The following PTPN7 variants were observed in gnomAD, a reference collection of about 807,000 sequenced individuals.
The protein encoded by PTPN7 is protein tyrosine phosphatase non-receptor type 7.
Under a neutral mutation model 50.3 loss-of-function variants are expected in PTPN7, and 33 were observed. The ratio of observed to expected loss-of-function variants is 0.66; its 90% confidence interval spans 0.50 to 0.88. The LOEUF is 0.88. Ranked by LOEUF, PTPN7 falls within the 40% of genes least tolerant of loss-of-function variation. PTPN7 has a pLI of 0.00. For missense variants in PTPN7, 412 were observed against 475.4 expected (o/e 0.87, Z 1.24); for synonymous variants, 185 against 186.6 (o/e 0.99, Z 0.07).
chr1:202,159,462 A>G lies in PTPN7; in HGVS notation c.-52-8T>C. Reference sequence around the variant, plus strand: ...CTCAGCCATGAGGTCTGCCTGAAAGACAGGGCCCTCCGCTGCTGTTCTCTG... The same window carrying G: ...CTCAGCCATGAGGTCTGCCTGAAAGGCAGGGCCCTCCGCTGCTGTTCTCTG... On this transcript the variant is annotated splice_polypyrimidine_tract_variant and splice_region_variant and intron_variant, in intron 1 of 9. Transcript: ENST00000691036. This position sits in a 1 kb window ranked among gnomAD's most constrained non-coding sequence, Gnocchi z 4.6. 1 of 1,609,238 alleles carries G rather than the reference A, an allele frequency of 6.2e-7. No homozygotes were observed. Among genetic ancestry groups the G allele is most frequent in the East Asian group, 2.2e-5 (1 of 44,680 alleles).
Position 202,159,551 on chromosome 1 carries a change from G to A in PTPN7, c.-52-97C>T, listed in dbSNP as rs1050597751. On this transcript the variant is annotated intron_variant, in intron 1 of 9. Coordinates refer to ENST00000691036, the MANE Select transcript of PTPN7 (RefSeq NM_002832.4). The surrounding 1 kb of genome is among the most constrained non-coding windows in gnomAD (Gnocchi z 4.6). ...CCAGGTTTGCACTCTGTTTTCACTG[G>A]GGCGTCTTCTGTTCCCCAAGAGGTG... The A allele has an allele frequency of 6.6e-7, 1 of 1,513,586 alleles. No individual in the cohort carries two copies. Among genetic ancestry groups the A allele is most frequent in the Non-Finnish European group, 8.8e-7 (1 of 1,133,372 alleles). 93.8% of individuals were successfully genotyped at this position (1,513,586 alleles called of 1,614,324 possible).
upstream of PTPN7, chr1:202,161,172 A>C: frequency 1.8e-6 from 2 of 1,130,790 alleles, no homozygotes; most frequent in Non-Finnish European, 2.2e-6. Flanking sequence ...ATGCCTCACA[A>C]TGTGAAGGAA....
chr1:202,159,384 C>A lies in PTPN7; in HGVS notation c.19G>T (p.Gly7Trp), dbSNP rs775311206. ...GTCAACGGCTGTGCTCTGGAGCGCC[C>A]CCCATGGGCTTGGACCATGCTGAGG... is the stretch of plus-strand genomic sequence containing the variant. MVQAHG[G>W]RSRAQPLTLS... The change falls in exon 2 of 10, where the codon GGG (glycine) becomes TGG (tryptophan). Residue 7 changes from glycine (G) to tryptophan (W), a missense_variant. Physicochemically the swap from Gly to Trp is radical, Grantham distance 184. Coordinates refer to ENST00000691036, the MANE Select transcript of PTPN7 (RefSeq NM_002832.4). The surrounding 1 kb of genome is among the most constrained non-coding windows in gnomAD (Gnocchi z 4.6). 37 of 1,614,110 alleles carry A rather than the reference C, an allele frequency of 2.3e-5. 1 individual carries two copies. The highest frequency in any genetic ancestry group is 1.0e-4 in the Admixed American group (6 of 60,010).
At chr1:202,149,980 C>T (rs990012561) in intron 9 of PTPN7, 12 of 195,392 alleles carry the variant, frequency 6.1e-5, no homozygotes, top group African/African-American at 2.3e-4. Flanking sequence ...TCACAGGGGC[C>T]CGCACCAGGC....
At position 202,160,580 on chromosome 1, in the gene PTPN7, GCTGT is replaced by G. The variant is rs765280685; in HGVS notation, c.-92_-89del. The G allele has an allele frequency of 7.7e-6, 12 of 1,549,794 alleles. No homozygotes were observed. Among genetic ancestry groups the G allele is most frequent in the East Asian group, 7.3e-5 (3 of 40,916 alleles). On this transcript the variant is annotated 5_prime_UTR_variant, in exon 1 of 10. Transcript: ENST00000691036. The surrounding 1 kb of genome is among the most constrained non-coding windows in gnomAD (Gnocchi z 4.8). ...GTGGCCCCCAGGCTGCCTCTTGCCAGCTGTCTGTCTGTCTGTCGGTCTGTCTTTG... is the reference window on the plus strand; with the variant it reads ...GTGGCCCCCAGGCTGCCTCTTGCCAGCTGTCTGTCTGTCGGTCTGTCTTTG...
At chr1:202,158,417 A>G in intron 2 of PTPN7, 116 bp from the exon 3 acceptor site, 1 of 1,114,176 alleles carries the variant, frequency 9.0e-7, no homozygotes, top group Non-Finnish European at 1.3e-6. Flanking sequence ...CTGGAGTGTG[A>G]TGGCACTATT....
In PTPN7 at chr1:202,153,832, A is replaced by G; in HGVS notation, c.610T>C (p.Cys204Arg). ...LTQLREGKEK[C>R]VHYWPTEEET... is the part of the protein sequence containing the mutation. ...TCTTCTGTGGGCCAGTAGTGGACAC[A>G]TTTCTAGGAGGGAGGGAGCTGGGAG... is the stretch of plus-strand genomic sequence containing the variant. Residue 204 changes from cysteine to arginine, a missense_variant, in exon 7 of 10, where the codon TGT becomes CGT. Coordinates refer to ENST00000691036, the MANE Select transcript of PTPN7 (RefSeq NM_002832.4). The G allele has an allele frequency of 6.2e-7, 1 of 1,612,644 alleles. No individual in the cohort carries two copies. The highest frequency in any genetic ancestry group is 8.5e-7 in the Non-Finnish European group (1 of 1,178,724).
In PTPN7 at chr1:202,160,045, T is replaced by C. The variant is rs1657179340; in HGVS notation, c.-53+500A>G. On this transcript the variant is annotated intron_variant, in intron 1 of 9. Coordinates refer to ENST00000691036, the MANE Select transcript of PTPN7 (RefSeq NM_002832.4). The surrounding 1 kb of genome is among the most constrained non-coding windows in gnomAD (Gnocchi z 4.8). ...GCTGGAGGTGTTTCCTTCCTCCTCC[T>C]GCCCATCCCCCCGTCTCCCGCCTCT... 3 of 920,272 alleles carry C rather than the reference T, an allele frequency of 3.3e-6. No homozygotes were observed. The highest frequency in any genetic ancestry group is 3.9e-6 in the Non-Finnish European group (3 of 766,944). 57.0% of individuals were successfully genotyped at this position (920,272 alleles called of 1,614,324 possible). A position where few individuals can be genotyped will look rare whatever the true frequency, so the allele number is the denominator to read the frequency against.
At chr1:202,150,120 A>T (rs1407433657) in intron 9 of PTPN7, 191 bp downstream of exon 9, 2 of 538,292 alleles carry the variant, frequency 3.7e-6, no homozygotes, top group Non-Finnish European at 6.7e-6. Context: ...GGTGTGAGCC[A>T]CCGCACCCGG....
chr1:202,155,931 T>C (rs1209178154), intron 4 of PTPN7, among the ~76,000 whole-genome samples: 3 of 152,168 alleles, frequency 2.0e-5, no homozygotes, highest in African/African-American at 7.2e-5. Context: ...GGCTTGCTTA[T>C]TTATTTATTT....
intron 9 of PTPN7, chr1:202,150,096 G>A (rs1219037045): frequency 4.4e-6 from 2 of 453,598 alleles, no homozygotes; most frequent in African/African-American, 3.9e-5. Flanking sequence ...GCCTCCCAAA[G>A]TGCTGGGATT....
At chr1:202,158,921 G>A in intron 2 of PTPN7, 2 of 238,676 alleles carry the variant, frequency 8.4e-6, no homozygotes, top group Non-Finnish European at 8.3e-6. Flanking sequence ...ACCATGCCTG[G>A]CTCAGCCCTC....
At chr1:202,149,829 G>GTTTTTTTTTTTTTTT (rs67499965) in intron 9 of PTPN7, 12 of 92,910 alleles carry the variant, frequency 1.3e-4, no homozygotes, top group Non-Finnish European at 1.9e-4. Flanking sequence ...TCTTTTTTTT[G>GTTTTTTTTTTTTTTT]TTTTTTTTTT....
At chr1:202,152,161 C>G (rs1376885581) in intron 8 of PTPN7, among the ~76,000 whole-genome samples, 1 of 152,222 alleles carries the variant, frequency 6.6e-6, no homozygotes, top group East Asian at 1.9e-4. Context: ...TCTGCCAGCC[C>G]TGGCGTCCCA....
In PTPN7 at chr1:202,152,611, C is replaced by T. The variant is rs777756781; in HGVS notation, c.806G>A (p.Arg269His). The change falls in exon 8 of 10, where the codon CGC becomes CAC. Residue 269 changes from arginine (R) to histidine (H), a missense_variant. Coordinates refer to ENST00000691036, the MANE Select transcript of PTPN7 (RefSeq NM_002832.4). ...QTPESAGPLL[R>H]LVAEVEESPE... The stretch of plus-strand genomic sequence containing the variant: ...GCTCTCCTCCACCTCTGCCACTAGG[C>T]GCAGCAGGGGCCCAGCTGATTCTGG... The T allele has an allele frequency of 1.5e-5, 24 of 1,613,888 alleles. No individual in the cohort carries two copies. Among genetic ancestry groups the T allele is most frequent in the South Asian group, 2.2e-5 (2 of 91,090 alleles).
At position 202,159,147 on chromosome 1, in the gene PTPN7, C is replaced by A. The variant is rs960393072; in HGVS notation, c.122+134G>T. 2 of 814,432 alleles carry A rather than the reference C, an allele frequency of 2.5e-6. No homozygotes were observed. 50.5% of individuals were successfully genotyped at this position (814,432 alleles called of 1,614,324 possible). A position where few individuals can be genotyped will look rare whatever the true frequency, so the allele number is the denominator to read the frequency against. ...ACATGCAAATGAGCACTACTGGTTT[C>A]CTTTCCAAATTGGAGTCAACAACTG... On this transcript the variant is annotated intron_variant, in intron 2 of 9. Coordinates refer to ENST00000691036, the MANE Select transcript of PTPN7 (RefSeq NM_002832.4). The surrounding 1 kb of genome is among the most constrained non-coding windows in gnomAD (Gnocchi z 4.6).
chr1:202,160,418 A>C lies in PTPN7; in HGVS notation c.-53+127T>G. 1.0e-6 allele frequency: 1 copy of C among 983,066 alleles called. No individual in the cohort carries two copies. Among genetic ancestry groups the C allele is most frequent in the Non-Finnish European group, 1.5e-6 (1 of 666,180 alleles). 60.9% of individuals were successfully genotyped at this position (983,066 alleles called of 1,614,324 possible). ...GGACATCAGGTCTGTGAGCACCCAT[A>C]CCCCAGCCAGGCACTGTGGCGCCCC... On this transcript the variant is annotated intron_variant, in intron 1 of 9. Coordinates refer to ENST00000691036, the MANE Select transcript of PTPN7 (RefSeq NM_002832.4). The surrounding 1 kb of genome is among the most constrained non-coding windows in gnomAD (Gnocchi z 4.8).
Position 202,150,357 on chromosome 1 carries a change from C to T in PTPN7, c.943G>A (p.Gly315Arg). 1 of 1,613,076 alleles carries T rather than the reference C, an allele frequency of 6.2e-7. No individual in the cohort carries two copies. The highest frequency in any genetic ancestry group is 8.5e-7 in the Non-Finnish European group (1 of 1,179,566). ...ACAATACCCAGAATGTCCACTTCTC[C>T]TCGGGCTTTCAGCTGTTGACAGCCA... ...RIGCQQLKAR[G>R]EVDILGIVCQ... is the part of the protein sequence containing the mutation. Residue 315 changes from glycine (G) to arginine (R), a missense_variant, in exon 9 of 10, where the codon GGA becomes AGA. Transcript: ENST00000691036.
chr1:202,151,732 G>C (rs1329717190), intron 8 of PTPN7, among the ~76,000 whole-genome samples: 1 of 151,998 alleles, frequency 6.6e-6, no homozygotes, highest in Admixed American at 6.6e-5. Context: ...GGTCAGGCTG[G>C]TCTTGAACTC....
Sources: gnomAD v4.1 joint callset for allele counts (sites outside exome capture counted in the v4.1 genomes callset) on GRCh38, gnomAD v4.1.1 for gene constraint, Gnocchi (gnomAD v3.1) non-coding constraint, MANE v1.5 for transcripts, NCBI Gene and HGNC (gene_info 2026-07-23, HGNC 2026-07-21) for gene names.